The following SMARCA2 variants were observed in gnomAD, a reference collection of about 807,000 sequenced individuals.
The protein encoded by SMARCA2 is SWI/SNF-related matrix-associated actin-dependent regulator of chromatin subfamily A member 2.
In SMARCA2, 61 loss-of-function variants were observed where a neutral mutation model predicts 199.8. The ratio of observed to expected loss-of-function variants is 0.31; its 90% CI spans 0.25 to 0.38. SMARCA2 has a LOEUF of 0.38. Among genes scored for constraint, SMARCA2 ranks in the 10% least tolerant of loss-of-function variants. The pLI is 1.00. For missense variants in SMARCA2, 1,344 were observed against 2,012.2 expected, an observed-to-expected ratio of 0.67 and a Z score of 6.35; for synonymous variants, 935 against 732.0, an observed-to-expected ratio of 1.28 and a Z score of -4.48.
chr9:2,062,110 G>A (rs1253721129), intron 9 of SMARCA2, among the ~76,000 whole-genome samples: 2 of 152,156 alleles, frequency 1.3e-5, no homozygotes, highest in Non-Finnish European at 1.5e-5. Context: ...AGGGGGGAGG[G>A]AAGAATGATG....
Position 2,186,198 on chromosome 9 carries a change from G to A in SMARCA2, c.4564G>A (p.Glu1522Lys). 6.2e-7 allele frequency: 1 copy of A among 1,614,102 alleles called. No homozygotes were observed. The highest frequency in any genetic ancestry group is 8.5e-7 in the Non-Finnish European group (1 of 1,179,978). ...GGATGAAAGCAATGAAGAGGAGGAA[G>A]AGGAAGATGAAGAAGAGTCAGAGTC... is the stretch of plus-strand genomic sequence containing the variant. ...SEDESNEEEE[E>K]EDEEESESEA... The change falls in exon 32 of 34, where the codon GAG becomes AAG. Residue 1522 changes from glutamate to lysine, a missense_variant. Glu to Lys is a moderately conservative substitution (Grantham distance 56). This residue lies in a region of SMARCA2 where 155 missense variants were observed against 121.1 expected (regional missense o/e 1.28). Transcript: ENST00000349721.
At position 2,119,102 on chromosome 9, in the gene SMARCA2, T is replaced by A. The variant is rs1586724676; in HGVS notation, c.3685-356T>A. ...GTACTTTTTCATATGGATGTCCTTATTAAAATCTTACATCCCCATGTGAAA... is the reference window on the plus strand; with the variant it reads ...GTACTTTTTCATATGGATGTCCTTAATAAAATCTTACATCCCCATGTGAAA... On this transcript the variant is annotated intron_variant, in intron 25 of 33. Transcript: ENST00000349721. The surrounding 1 kb of genome is among the most constrained non-coding windows in gnomAD (Gnocchi z 4.6). Among the ~76,000 whole-genome samples, 1 of 152,352 alleles carries A rather than the reference T, an allele frequency of 6.6e-6. No homozygotes were observed. Among genetic ancestry groups the A allele is most frequent in the African/African-American group, 2.4e-5 (1 of 41,580 alleles).
intron 9 of SMARCA2, among the ~76,000 whole-genome samples, chr9:2,061,553 A>C (rs371019095): frequency 2.0e-5 from 3 of 152,238 alleles, no homozygotes; most frequent in African/African-American, 7.2e-5. Flanking sequence ...ATCATGAGAA[A>C]TGAAGGGTAA....
intron 29 of SMARCA2, among the ~76,000 whole-genome samples, chr9:2,174,467 C>T (rs918074240): frequency 4.6e-5 from 7 of 152,140 alleles, no homozygotes; most frequent in African/African-American, 1.4e-4. Flanking sequence ...TAGGAAAAAG[C>T]AGCACTCCGG....
intron 27 of SMARCA2, among the ~76,000 whole-genome samples, chr9:2,155,721 T>C (rs1007803233): frequency 4.7e-4 from 5 of 10,642 alleles, no homozygotes; most frequent in East Asian, 1.7e-3. Flanking sequence ...AGAGAAAACC[T>C]TTTTTTTTTT....
intron 27 of SMARCA2, among the ~76,000 whole-genome samples, chr9:2,156,348 A>C: frequency 9.5e-6 from 1 of 105,392 alleles, no homozygotes; most frequent in Non-Finnish European, 2.4e-5. Context: ...TAATTTAGAT[A>C]ATTTGGTTTC....
At chr9:2,072,604 T>G (rs1244515940) in intron 10 of SMARCA2, among the ~76,000 whole-genome samples, 1 of 152,230 alleles carries the variant, frequency 6.6e-6, no homozygotes, top group East Asian at 1.9e-4. Context: ...TGTTTTTCAT[T>G]CTCTCTGAAA....
At chr9:2,107,322 A>G (rs1822798543) in intron 23 of SMARCA2, among the ~76,000 whole-genome samples, 1 of 151,940 alleles carries the variant, frequency 6.6e-6, no homozygotes, top group Non-Finnish European at 1.5e-5. Flanking sequence ...AGTTTATTTA[A>G]TTTAATTTTA....
chr9:2,187,817 G>A (rs192146379), intron 32 of SMARCA2, among the ~76,000 whole-genome samples: 2 of 152,176 alleles, frequency 1.3e-5, no homozygotes, highest in East Asian at 3.9e-4. Flanking sequence ...AGTGGCTCAT[G>A]CCTGTAATCC....
Position 2,039,914 on chromosome 9 carries a change from C to A in SMARCA2, c.790+14C>A. On this transcript the variant is annotated intron_variant, in intron 4 of 33. Transcript: ENST00000349721. This position sits in a 1 kb window ranked among gnomAD's most constrained non-coding sequence, Gnocchi z 4.8. ...ACAGACCATCTGGTAGGTTAATACG[C>A]AACCAAATGAATAATGCCATGGTCC... 6.2e-7 allele frequency: 1 copy of A among 1,612,110 alleles called. No individual in the cohort carries two copies.
chr9:2,050,655 G>A lies in SMARCA2; in HGVS notation c.1046+3171G>A, dbSNP rs79572391. 1.1e-3 allele frequency among the ~76,000 whole-genome samples: 165 copies of A among 149,150 alleles called. 1 individual carries two copies. The highest frequency in any genetic ancestry group is 3.8e-3 in the African/African-American group (152 of 40,288). Reference sequence around the variant, plus strand: ...TTTTTTTTTTTGACCTGCCCTTGTCGCCATTGCAATCCTGAAAATTCCTTC... The same window carrying A: ...TTTTTTTTTTTGACCTGCCCTTGTCACCATTGCAATCCTGAAAATTCCTTC... On this transcript the variant is annotated intron_variant, in intron 5 of 33. Transcript: ENST00000349721.
chr9:2,163,812 G>C (rs1240632189), intron 28 of SMARCA2, among the ~76,000 whole-genome samples: 2 of 152,120 alleles, frequency 1.3e-5, no homozygotes, highest in Non-Finnish European at 2.9e-5. Flanking sequence ...TAAGGTGATG[G>C]CTGTGTCTTT....
intron 2 of SMARCA2, among the ~76,000 whole-genome samples, chr9:2,029,978 A>G (rs1818990610): frequency 6.6e-6 from 1 of 152,230 alleles, no homozygotes; most frequent in Non-Finnish European, 1.5e-5. Flanking sequence ...AGTAAACAAG[A>G]TCCTCTGTGA....
chr9:2,061,807 CT>C (rs1229463878), intron 9 of SMARCA2, among the ~76,000 whole-genome samples: 1 of 152,160 alleles, frequency 6.6e-6, no homozygotes, highest in Non-Finnish European at 1.5e-5. Context: ...GAACAAAATG[CT>C]TTTCAAAAAA....
chr9:2,172,963 G>A (rs1414377954), intron 29 of SMARCA2, among the ~76,000 whole-genome samples: 1 of 152,204 alleles, frequency 6.6e-6, no homozygotes, highest in Admixed American at 6.5e-5. Flanking sequence ...GGTAGTGGAG[G>A]AAGATAGTCC....
chr9:2,151,915 A>G (rs1037867357), intron 27 of SMARCA2, among the ~76,000 whole-genome samples: 1 of 152,116 alleles, frequency 6.6e-6, no homozygotes, highest in Admixed American at 6.5e-5. Flanking sequence ...TGATTTTTAA[A>G]AATCCTGCTT....
chr9:2,170,642 G>T lies in SMARCA2; in HGVS notation c.4253+170G>T, dbSNP rs573859040. 6.6e-6 allele frequency among the ~76,000 whole-genome samples: 1 copy of T among 152,178 alleles called. No individual in the cohort carries two copies. The highest frequency in any genetic ancestry group is 2.4e-5 in the African/African-American group (1 of 41,434). ...ACAGATACTCTTAAACAGCTGTCAT[G>T]GCTTCTGAAGTTGTTGGTGCTGTAT... is the stretch of plus-strand genomic sequence containing the variant. On this transcript the variant is annotated intron_variant, in intron 29 of 33. Transcript: ENST00000349721. This position sits in a 1 kb window ranked among gnomAD's most constrained non-coding sequence, Gnocchi z 4.7.
intron 32 of SMARCA2, among the ~76,000 whole-genome samples, chr9:2,189,139 A>G (rs912647861): frequency 3.9e-5 from 6 of 152,224 alleles, no homozygotes; most frequent in Admixed American, 1.3e-4. Flanking sequence ...GCCATGTAAT[A>G]TAACATATTC....
intron 24 of SMARCA2, among the ~76,000 whole-genome samples, chr9:2,111,608 A>G (rs1385319256): frequency 6.6e-6 from 1 of 152,136 alleles, no homozygotes; most frequent in Non-Finnish European, 1.5e-5. Flanking sequence ...CTCAACAGTA[A>G]CACTATCTCA....
Sources: gnomAD v4.1 joint callset for allele counts (sites outside exome capture counted in the v4.1 genomes callset) on GRCh38, gnomAD v4.1.1 for gene constraint, gnomAD v4.1.1 regional missense constraint, Gnocchi (gnomAD v3.1) non-coding constraint, MANE v1.5 for transcripts, NCBI Gene and HGNC (gene_info 2026-07-23, HGNC 2026-07-21) for gene names.